The following PTPRQ variants were observed in gnomAD, a reference collection of about 807,000 sequenced individuals.
PTPRQ encodes the protein phosphatidylinositol phosphatase PTPRQ.
A neutral mutation model predicts 246.0 loss-of-function variants in PTPRQ; 199 were observed. The ratio of observed to expected loss-of-function variants is 0.81; its 90% confidence interval spans 0.72 to 0.91. The LOEUF is 0.91. Ranked by LOEUF, PTPRQ falls within the 40% of genes least tolerant of loss-of-function variation. PTPRQ has a pLI of 0.00. For missense variants in PTPRQ, 2,624 were observed against 2,528.4 expected, an observed-to-expected ratio of 1.04 and a Z score of -0.81; for synonymous variants, 869 against 853.2, an observed-to-expected ratio of 1.02 and a Z score of -0.32.
At chr12:80,648,770 A>G in intron 35 of PTPRQ, 127 bp from the exon 36 acceptor site, 1 of 676,884 alleles carries the variant, frequency 1.5e-6, no homozygotes, top group Non-Finnish European at 2.2e-6. Context: ...ATGATCATAT[A>G]TTAGTTAAAG....
chr12:80,450,075 C>A (rs1027043687), intron 3 of PTPRQ, among the ~76,000 whole-genome samples: 16 of 152,180 alleles, frequency 1.1e-4, no homozygotes, highest in Non-Finnish European at 1.8e-4. Flanking sequence ...TGTAGTTCTC[C>A]TTGAAGAGGT....
rs1898757508 is a variant in PTPRQ, at chr12:80,616,274, C to T, written c.5230+8C>T. 1.4e-6 allele frequency: 2 copies of T among 1,467,350 alleles called. No individual in the cohort carries two copies. Among genetic ancestry groups the T allele is most frequent in the East Asian group, 2.8e-5 (1 of 35,362 alleles). The allele number at this position is 1,467,350 out of a possible 1,614,324, so 90.9% of individuals were successfully genotyped here. A position where few individuals can be genotyped will look rare whatever the true frequency, so the allele number is the denominator to read the frequency against. Reference sequence around the variant, plus strand: ...TAACCATGGATATCAAAGGTACATACATGAGCTACCTTCCTATGAAATGCT... The same window carrying T: ...TAACCATGGATATCAAAGGTACATATATGAGCTACCTTCCTATGAAATGCT... On this transcript the variant is annotated splice_region_variant and intron_variant, in intron 30 of 44. Transcript: ENST00000644991.
At chr12:80,574,594 G>A (rs1017227571) in intron 25 of PTPRQ, among the ~76,000 whole-genome samples, 6 of 151,582 alleles carry the variant, frequency 4.0e-5, no homozygotes, top group East Asian at 3.9e-4. Flanking sequence ...ATTATTTTTC[G>A]TGGCTTCTCA....
rs2121223982 is a variant in PTPRQ, at chr12:80,649,671, T to C, written c.6024+2T>C. ...CTAAAGTTTCAAGAAGAATTTTCGG[T>C]ATGTTACTAGCAGTTGTCACAACAT... On this transcript the variant is annotated splice_donor_variant, in intron 37 of 44. Transcript: ENST00000644991. LOFTEE classifies it high-confidence loss of function. 2 of 1,548,396 alleles carry C rather than the reference T, an allele frequency of 1.3e-6. No individual in the cohort carries two copies. Among genetic ancestry groups the C allele is most frequent in the African/African-American group, 2.7e-5 (2 of 72,988 alleles).
intron 6 of PTPRQ, among the ~76,000 whole-genome samples, chr12:80,461,137 C>T (rs956482261): frequency 2.6e-5 from 4 of 152,166 alleles, no homozygotes; most frequent in East Asian, 1.9e-4. Context: ...AGCCACTGAC[C>T]GTGATCCTCA....
At chr12:80,482,189 G>A (rs1347599070) in intron 8 of PTPRQ, among the ~76,000 whole-genome samples, 1 of 150,370 alleles carries the variant, frequency 6.7e-6, no homozygotes, top group Non-Finnish European at 1.5e-5. Context: ...ATAGATCAAT[G>A]GAACAGAACA....
chr12:80,598,273 T>G (rs1316179806), intron 26 of PTPRQ, among the ~76,000 whole-genome samples: 1 of 151,978 alleles, frequency 6.6e-6, no homozygotes, highest in Non-Finnish European at 1.5e-5. Context: ...CATAAAATGA[T>G]AGGAAATATT....
At chr12:80,447,060 C>G (rs983889741) in intron 3 of PTPRQ, among the ~76,000 whole-genome samples, 3 of 151,990 alleles carry the variant, frequency 2.0e-5, no homozygotes, top group Non-Finnish European at 4.4e-5. Flanking sequence ...TGCATCCACA[C>G]TGCCATCTGT....
chr12:80,666,701 A>G (rs1900797715), intron 39 of PTPRQ, among the ~76,000 whole-genome samples: 1 of 152,018 alleles, frequency 6.6e-6, no homozygotes, highest in Admixed American at 6.6e-5. Flanking sequence ...ATGTGTCAAA[A>G]TAATAAGAAA....
chr12:80,578,716 C>T (rs976639069), intron 25 of PTPRQ, among the ~76,000 whole-genome samples: 4 of 152,144 alleles, frequency 2.6e-5, no homozygotes, highest in African/African-American at 7.2e-5. Flanking sequence ...ATTAAACATA[C>T]TTAGTATTTA....
At chr12:80,678,176 T>G (rs1901205527) in intron 43 of PTPRQ, among the ~76,000 whole-genome samples, 1 of 146,554 alleles carries the variant, frequency 6.8e-6, no homozygotes, top group South Asian at 2.1e-4. Flanking sequence ...AATGCGCTGA[T>G]GATGTATAGA....
chr12:80,578,991 ATTCCATTTGT>A (rs1897354525), intron 25 of PTPRQ, among the ~76,000 whole-genome samples: 4 of 152,010 alleles, frequency 2.6e-5, no homozygotes. Context: ...TCCTGGGTTC[ATTCCATTTGT>A]TTTACCCCTA....
intron 39 of PTPRQ, among the ~76,000 whole-genome samples, chr12:80,663,239 G>A (rs1174792922): frequency 6.6e-6 from 1 of 151,854 alleles, no homozygotes; most frequent in Non-Finnish European, 1.5e-5. Flanking sequence ...TAACAAGATT[G>A]TATAGGAATA....
chr12:80,457,119 G>A (rs1408821391), intron 3 of PTPRQ, among the ~76,000 whole-genome samples: 1 of 151,880 alleles, frequency 6.6e-6, no homozygotes, highest in African/African-American at 2.4e-5. Context: ...TTAATTAAAT[G>A]TACTTATCTA....
chr12:80,534,265 A>G lies in PTPRQ; in HGVS notation c.2839+90A>G, dbSNP rs1895925458. ...GAAAAATATTCAAATATCAAAATGTATGATGAAGCCTAATATTCATCATCA... is the reference window on the plus strand; with the variant it reads ...GAAAAATATTCAAATATCAAAATGTGTGATGAAGCCTAATATTCATCATCA... On this transcript the variant is annotated intron_variant, in intron 18 of 44. Coordinates refer to ENST00000644991, the MANE Select transcript of PTPRQ (RefSeq NM_001145026.2). 4.7e-6 allele frequency: 6 copies of G among 1,283,056 alleles called. No homozygotes were observed. The East Asian group carries it at 1.1e-4, about 24-fold the overall frequency. 79.5% of individuals were successfully genotyped at this position (1,283,056 alleles called of 1,614,324 possible).
chr12:80,605,239 TG>T, intron 27 of PTPRQ, 59 bp downstream of exon 27: 1 of 1,513,514 alleles, frequency 6.6e-7, no homozygotes, highest in Admixed American at 2.2e-5. Flanking sequence ...ATACAAGATT[TG>T]GAACCAGACT....
chr12:80,646,753 G>GAA (rs571275898), intron 35 of PTPRQ, among the ~76,000 whole-genome samples: 1 of 146,914 alleles, frequency 6.8e-6, no homozygotes, highest in Non-Finnish European at 1.5e-5. Context: ...GTATTTCTGC[G>GAA]AAAAAAAAAA....
At chr12:80,482,363 C>T (rs970726425) in intron 8 of PTPRQ, among the ~76,000 whole-genome samples, 2 of 151,984 alleles carry the variant, frequency 1.3e-5, no homozygotes, top group African/African-American at 2.4e-5. Flanking sequence ...ACACCTTATA[C>T]AAAAATTAAT....
intron 8 of PTPRQ, among the ~76,000 whole-genome samples, chr12:80,480,117 T>G (rs1198265842): frequency 6.6e-6 from 1 of 152,122 alleles, no homozygotes. Flanking sequence ...GACTACATAC[T>G]TGGAAGTAAA....
Sources: gnomAD v4.1 joint callset for allele counts (sites outside exome capture counted in the v4.1 genomes callset) on GRCh38, gnomAD v4.1.1 for gene constraint, MANE v1.5 for transcripts, NCBI Gene and HGNC (gene_info 2026-07-23, HGNC 2026-07-21) for gene names.